DOCK4: variants seen among roughly 807,000 people sequenced by gnomAD.
DOCK4 encodes the protein dedicator of cytokinesis 4.
A neutral mutation model predicts 268.1 loss-of-function variants in DOCK4; 97 were observed. The ratio of observed to expected loss-of-function variants is 0.36; its 90% CI spans 0.31 to 0.43. The LOEUF is 0.43. Among genes scored for constraint, DOCK4 ranks in the 20% least tolerant of loss-of-function variants. The pLI is 1.00. For missense variants in DOCK4, 2,145 were observed against 2,455.7 expected (o/e 0.87, Z 2.67); for synonymous variants, 954 against 887.2 (o/e 1.08, Z -1.34).
At chr7:112,139,317 G>C (rs768650792) in intron 1 of DOCK4, among the ~76,000 whole-genome samples, 1 of 152,052 alleles carries the variant, frequency 6.6e-6, no homozygotes, top group African/African-American at 2.4e-5. Flanking sequence ...TGAGTCTTTC[G>C]AACAAAGACA....
intron 51 of DOCK4, 39 bp from the exon 52 acceptor site, chr7:111,732,326 A>C: frequency 6.2e-7 from 1 of 1,606,472 alleles, no homozygotes; most frequent in Non-Finnish European, 8.5e-7. Context: ...AATTAAGAAA[A>C]ACCAGACGAT....
At chr7:111,737,925 G>A (rs562917622) in intron 49 of DOCK4, among the ~76,000 whole-genome samples, 1 of 152,318 alleles carries the variant, frequency 6.6e-6, no homozygotes, top group Admixed American at 6.5e-5. Context: ...GTTGTGCAGA[G>A]GCGGTACCCT....
chr7:112,204,741 G>GA lies in DOCK4; in HGVS notation c.37+1360dup, dbSNP rs909948957. 5.8e-3 allele frequency among the ~76,000 whole-genome samples: 866 copies of GA among 148,418 alleles called. 7 individuals are homozygous for GA. The highest frequency in any genetic ancestry group is 0.02 in the African/African-American group (810 of 39,818). ...AAGTCCTATCCCCAGGCAAAGTTGG[G>GA]AAAAAAAAAAACAAAAATCCCCTCG... On this transcript the variant is annotated intron_variant, in intron 1 of 52. Transcript: ENST00000428084.
chr7:111,784,086 C>T lies in DOCK4; in HGVS notation c.3428+11G>A. ...TCTCACAAGTAGCACAATTTGCAAA[C>T]AATGTCTTACCTAGGATAGGGACCA... On this transcript the variant is annotated intron_variant, in intron 33 of 52. Transcript: ENST00000428084. 1 of 1,580,392 alleles carries T rather than the reference C, an allele frequency of 6.3e-7. No homozygotes were observed. The highest frequency in any genetic ancestry group is 8.6e-7 in the Non-Finnish European group (1 of 1,167,348).
In DOCK4 at chr7:111,841,263, C is replaced by G. The variant is rs191603250; in HGVS notation, c.2736+3500G>C. 2.2e-4 allele frequency among the ~76,000 whole-genome samples: 34 copies of G among 152,136 alleles called. 1 individual carries two copies. Among genetic ancestry groups the G allele is most frequent in the Non-Finnish European group, 1.5e-4 (10 of 67,998 alleles). ...CACTGCAACCTCCATCTCCTGGGTT[C>G]AAGCCATTTTTGGGCCTCAGTCTCC... On this transcript the variant is annotated intron_variant, in intron 25 of 52. Coordinates refer to ENST00000428084, the MANE Select transcript of DOCK4 (RefSeq NM_001363540.2).
chr7:111,830,854 T>G (rs993565573), intron 26 of DOCK4, among the ~76,000 whole-genome samples: 1 of 151,996 alleles, frequency 6.6e-6, no homozygotes, highest in African/African-American at 2.4e-5. Flanking sequence ...ATCAGTGAAA[T>G]TGCCCATCAG....
chr7:112,127,218 T>G (rs970645826), intron 1 of DOCK4, among the ~76,000 whole-genome samples: 1 of 151,970 alleles, frequency 6.6e-6, no homozygotes, highest in South Asian at 2.1e-4. Context: ...CACCATGGAA[T>G]ACTATGTGGC....
At chr7:112,153,860 T>C (rs1356548521) in intron 1 of DOCK4, among the ~76,000 whole-genome samples, 4 of 152,176 alleles carry the variant, frequency 2.6e-5, no homozygotes, top group African/African-American at 7.2e-5. Flanking sequence ...CTTCGGAGGA[T>C]AGAAAGTAGC....
intron 36 of DOCK4, among the ~76,000 whole-genome samples, chr7:111,770,997 A>T (rs1290666160): frequency 2.0e-5 from 3 of 152,222 alleles, no homozygotes; most frequent in Non-Finnish European, 2.9e-5. Context: ...TGGTTCAATT[A>T]TTATTGTGAA....
At chr7:111,764,127 C>T (rs374185675) in intron 39 of DOCK4, among the ~76,000 whole-genome samples, 28 of 152,330 alleles carry the variant, frequency 1.8e-4, no homozygotes, top group African/African-American at 6.7e-4. Flanking sequence ...GTCTGTGTAG[C>T]ACCCAAATGC....
In DOCK4 at chr7:111,877,446, T is replaced by A. The variant is rs1013341; in HGVS notation, c.1588-260A>T. Among the ~76,000 whole-genome samples the A allele has an allele frequency of 6.8e-4, 104 of 152,062 alleles. 1 individual carries two copies. The highest frequency in any genetic ancestry group is 6.8e-3 in the Middle Eastern group (2 of 294). ...ACCATATCAAATCAAATTATTTAAC[T>A]ACACACTGTTTCCGTTATCTTCTCT... On this transcript the variant is annotated intron_variant, in intron 16 of 52. Coordinates refer to ENST00000428084, the MANE Select transcript of DOCK4 (RefSeq NM_001363540.2).
At chr7:112,108,709 A>T (rs1811355543) in intron 1 of DOCK4, among the ~76,000 whole-genome samples, 1 of 152,246 alleles carries the variant, frequency 6.6e-6, no homozygotes, top group African/African-American at 2.4e-5. Flanking sequence ...TCATTTCAAG[A>T]TCTGACCTTT....
chr7:112,202,805 A>C (rs1011696832), intron 1 of DOCK4, among the ~76,000 whole-genome samples: 2 of 152,086 alleles, frequency 1.3e-5, no homozygotes, highest in African/African-American at 4.8e-5. Context: ...TATTATTATT[A>C]TTTGTCAAGG....
At chr7:111,855,661 G>A (rs1804941182) in intron 23 of DOCK4, among the ~76,000 whole-genome samples, 1 of 152,124 alleles carries the variant, frequency 6.6e-6, no homozygotes, top group Non-Finnish European at 1.5e-5. Flanking sequence ...CAGGTGGAAT[G>A]AGCCCCAAGA....
At chr7:112,022,556 G>A (rs766347798) in intron 1 of DOCK4, among the ~76,000 whole-genome samples, 1 of 152,182 alleles carries the variant, frequency 6.6e-6, no homozygotes, top group Admixed American at 6.5e-5. Flanking sequence ...AGCCCAGCCA[G>A]CTATTAACCG....
rs1293866127 is a variant in DOCK4 at position 111,887,018 on chromosome 7, T to TA, written c.1587+8593dup. Among the ~76,000 whole-genome samples the TA allele has an allele frequency of 6.6e-5, 10 of 152,296 alleles. No homozygotes were observed. The East Asian group carries it at 1.7e-3, about 26-fold the overall frequency. The stretch of plus-strand genomic sequence containing the variant: ...CTGGAGTAGGGAATTTTTCAATACA[T>TA]AAAAGCCTTGGGATTACCCCCAAAT... On this transcript the variant is annotated intron_variant, in intron 16 of 52. Coordinates refer to ENST00000428084, the MANE Select transcript of DOCK4 (RefSeq NM_001363540.2).
intron 13 of DOCK4, among the ~76,000 whole-genome samples, chr7:111,914,346 A>G (rs1792402935): frequency 6.6e-6 from 1 of 152,148 alleles, no homozygotes; most frequent in African/African-American, 2.4e-5. Context: ...ATCTCTATAC[A>G]GCAACCACAG....
intron 39 of DOCK4, among the ~76,000 whole-genome samples, chr7:111,762,225 TCA>T (rs1797452075): frequency 6.6e-6 from 1 of 152,170 alleles, no homozygotes; most frequent in South Asian, 2.1e-4. Context: ...GAGATATAAT[TCA>T]CATACAATAA....
At chr7:111,789,223 A>C (rs979110309) in intron 31 of DOCK4, 1 of 172,470 alleles carries the variant, frequency 5.8e-6, no homozygotes, top group African/African-American at 2.4e-5. Flanking sequence ...TGAAGTTGAG[A>C]ACTTGCCTTA....
Sources: allele counts gnomAD v4.1 joint callset (sites outside exome capture counted in the v4.1 genomes callset), GRCh38; gene constraint gnomAD v4.1.1; transcripts MANE v1.5; gene names NCBI Gene and HGNC (gene_info 2026-07-23, HGNC 2026-07-21).